Variants in DHTKD1 observed in about 807,000 individuals in gnomAD.
DHTKD1 encodes the protein 2-oxoadipate dehydrogenase complex component E1.
A neutral mutation model predicts 101.8 loss-of-function variants in DHTKD1; 78 were observed. The observed-to-expected ratio is 0.77, with a 90% confidence interval of 0.64 to 0.93. The LOEUF (loss-of-function observed/expected upper bound fraction) is 0.93, where lower values mean the gene tolerates loss of function less well. DHTKD1 is among the 40% of genes least tolerant of loss of function. The probability of loss-of-function intolerance (pLI) is 0.00; values close to 1 mark genes in which losing one functional copy is unlikely to be tolerated. For synonymous variants in DHTKD1, 462 were observed against 450.3 expected (o/e 1.03, Z -0.33); for missense variants, 1,223 against 1,161.7 (o/e 1.05, Z -0.77).
chr10:12,086,946 C>T (rs1296427833), intron 3 of DHTKD1, among the ~76,000 whole-genome samples: 2 of 152,138 alleles, frequency 1.3e-5, no homozygotes, highest in African/African-American at 2.4e-5. Flanking sequence ...CTTGGCCTCC[C>T]GAAGTGCTGG....
rs1588607539 is a variant in DHTKD1, at chr10:12,087,662, T to A, written c.650T>A (p.Val217Asp). 1.9e-6 allele frequency: 3 copies of A among 1,613,780 alleles called. No individual in the cohort carries two copies. The East Asian group carries it at 6.7e-5, about 36-fold the overall frequency. ...TCGGCCTACAGCGGGATCACTGATG[T>A]CATTATTGGGATGCCCCATAGAGGG... Reference protein sequence around the residue: ...KMSAYSGITDVIIGMPHRGRL... With the variant: ...KMSAYSGITDDIIGMPHRGRL... The change falls in exon 4 of 17, where the codon GTC becomes GAC. Residue 217 changes from valine (V) to aspartate (D), a missense_variant. Transcript: ENST00000263035. This position sits in a 1 kb window ranked among gnomAD's most constrained non-coding sequence, Gnocchi z 5.2.
chr10:12,119,042 C>T (rs1833471365), intron 15 of DHTKD1, 124 bp downstream of exon 15: 2 of 912,870 alleles, frequency 2.2e-6, no homozygotes, highest in African/African-American at 1.7e-5. Flanking sequence ...CGCGGTGGCT[C>T]ACACCTGTAA....
chr10:12,071,714 G>A (rs1327212342), intron 1 of DHTKD1, among the ~76,000 whole-genome samples: 2 of 152,164 alleles, frequency 1.3e-5, no homozygotes, highest in East Asian at 3.9e-4. Context: ...GATCACTTGA[G>A]ACAGGGTCTT....
Position 12,118,845 on chromosome 10 carries a change from C to T in DHTKD1, c.2499C>T (p.Ile833=). The change falls in exon 15 of 17, where the codon ATC becomes ATT. Residue 833 remains isoleucine, a synonymous_variant. Coordinates refer to ENST00000263035, the MANE Select transcript of DHTKD1 (RefSeq NM_018706.7). ...CCAAGAAGCATGACTTTGCCATCAT[C>T]CGAGTAGAGGAACTCTGCCCCTTCC... is the stretch of plus-strand genomic sequence containing the variant. ...LGAKKHDFAI[I]RVEELCPFPL... 3.7e-6 allele frequency: 6 copies of T among 1,609,012 alleles called. No homozygotes were observed. Among genetic ancestry groups the T allele is most frequent in the Non-Finnish European group, 4.2e-6 (5 of 1,178,040 alleles).
chr10:12,069,518 C>CTTTTTTTTTTTTTT (rs10691718), intron 1 of DHTKD1, among the ~76,000 whole-genome samples: 4 of 81,552 alleles, frequency 4.9e-5, no homozygotes, highest in Non-Finnish European at 6.5e-5. Flanking sequence ...TTTTTGTTTC[C>CTTTTTTTTTTTTTT]TTTTTTTTTT....
At chr10:12,118,263 A>C (rs1833451006) in intron 14 of DHTKD1, among the ~76,000 whole-genome samples, 1 of 151,952 alleles carries the variant, frequency 6.6e-6, no homozygotes, top group African/African-American at 2.4e-5. Context: ...TTGTAGGCGC[A>C]TGTTGCTGAA....
At chr10:12,075,081 G>C (rs1017024422) in intron 1 of DHTKD1, among the ~76,000 whole-genome samples, 1 of 152,082 alleles carries the variant, frequency 6.6e-6, no homozygotes, top group Non-Finnish European at 1.5e-5. Context: ...ACTGTACTCC[G>C]GCCTGTGTGA....
intron 10 of DHTKD1, among the ~76,000 whole-genome samples, chr10:12,102,422 C>CAAAA (rs752816882): frequency 3.1e-5 from 2 of 64,816 alleles, no homozygotes; most frequent in African/African-American, 1.2e-4. Context: ...GACTCTGTCT[C>CAAAA]AAAAAAAAAA....
At chr10:12,072,711 T>A (rs577060001) in intron 1 of DHTKD1, among the ~76,000 whole-genome samples, 4 of 151,960 alleles carry the variant, frequency 2.6e-5, no homozygotes, top group Admixed American at 2.0e-4. Context: ...GAGGTGGGTT[T>A]AGGAGTAGTG....
At chr10:12,079,177 A>G (rs1832777644) in intron 1 of DHTKD1, among the ~76,000 whole-genome samples, 1 of 152,018 alleles carries the variant, frequency 6.6e-6, no homozygotes, top group Admixed American at 6.6e-5. Flanking sequence ...GCAGCCTCGA[A>G]CTCCTGGGTT....
chr10:12,091,304 AG>A lies in DHTKD1; in HGVS notation c.988-206del, dbSNP rs1246577214. On this transcript the variant is annotated intron_variant, in intron 5 of 16. Coordinates refer to ENST00000263035, the MANE Select transcript of DHTKD1 (RefSeq NM_018706.7). ...GTGCATGCCTATAATCCCAGCTACT[AG>A]GGAAGCTGAGGCAGGAGAATCACTT... is the stretch of plus-strand genomic sequence containing the variant. Among the ~76,000 whole-genome samples the A allele has an allele frequency of 8.9e-5, 13 of 146,872 alleles. 1 individual carries two copies. The highest frequency in any genetic ancestry group is 4.2e-4 in the Admixed American group (6 of 14,278).
chr10:12,088,998 A>C lies in DHTKD1; in HGVS notation c.730A>C (p.Lys244Gln). The C allele has an allele frequency of 6.2e-7, 1 of 1,613,632 alleles. No individual in the cohort carries two copies. Among genetic ancestry groups the C allele is most frequent in the Non-Finnish European group, 8.5e-7 (1 of 1,179,586 alleles). ...LQFPPELMFRKMRGLSEFPEN... is the reference protein window; with the variant it reads ...LQFPPELMFRQMRGLSEFPEN... Reference sequence around the variant, plus strand: ...GTATCCACAATAGCTGATGTTCCGTAAAATGCGAGGCTTAAGTGAATTTCC... The same window carrying C: ...GTATCCACAATAGCTGATGTTCCGTCAAATGCGAGGCTTAAGTGAATTTCC... The change falls in exon 5 of 17, where the codon AAA becomes CAA. Residue 244 changes from lysine (K) to glutamine (Q), a missense_variant. Lys to Gln is a moderately conservative substitution (Grantham distance 53). Transcript: ENST00000263035.
Position 12,094,163 on chromosome 10 carries a change from G to A in DHTKD1, c.1250G>A (p.Arg417His), listed in dbSNP as rs1489239885. The A allele has an allele frequency of 4.3e-6, 7 of 1,614,086 alleles. No individual in the cohort carries two copies. Among genetic ancestry groups the A allele is most frequent in the South Asian group, 1.1e-5 (1 of 91,080 alleles). ...RATRLAFEYQ[R>H]QFRKDVIIDL... The stretch of plus-strand genomic sequence containing the variant: ...ACACGACTGGCTTTTGAATACCAAC[G>A]CCAGTTCCGCAAGGATGTGATTATT... Residue 417 changes from arginine (R) to histidine (H), a missense_variant, in exon 7 of 17, where the codon CGC becomes CAC. Physicochemically the swap from Arg to His is conservative, Grantham distance 29. Transcript: ENST00000263035.
intron 12 of DHTKD1, among the ~76,000 whole-genome samples, chr10:12,111,451 C>T (rs1833328707): frequency 6.6e-6 from 1 of 152,204 alleles, no homozygotes; most frequent in Non-Finnish European, 1.5e-5. Flanking sequence ...CAGGCATGGG[C>T]CACCGCGCCA....
At position 12,069,088 on chromosome 10, in the gene DHTKD1, C is replaced by G. The variant is rs746341469; in HGVS notation, c.55C>G (p.Leu19Val). ...ARRGLGRALP[L>V]FWRGYQTERG... is the part of the protein sequence containing the mutation. The stretch of plus-strand genomic sequence containing the variant: ...ACGGGGCCTCGGCCGGGCTCTCCCT[C>G]TCTTCTGGCGTGGCTACCAGACCGA... Residue 19 changes from leucine (L) to valine (V), a missense_variant, in exon 1 of 17, where the codon CTC becomes GTC. Physicochemically the swap from Leu to Val is conservative, Grantham distance 32 (BLOSUM62 1). Coordinates refer to ENST00000263035, the MANE Select transcript of DHTKD1 (RefSeq NM_018706.7). The G allele has an allele frequency of 1.2e-6, 2 of 1,612,788 alleles. No homozygotes were observed. The highest frequency in any genetic ancestry group is 4.5e-5 in the East Asian group (2 of 44,836).
At chr10:12,085,876 A>G (rs1351286025) in intron 3 of DHTKD1, among the ~76,000 whole-genome samples, 2 of 152,068 alleles carry the variant, frequency 1.3e-5, no homozygotes, top group Admixed American at 1.3e-4. Context: ...GCACCACTGT[A>G]CTCCAGTCTG....
At chr10:12,113,736 G>A (rs910713087) in intron 13 of DHTKD1, among the ~76,000 whole-genome samples, 1 of 152,022 alleles carries the variant, frequency 6.6e-6, no homozygotes, top group African/African-American at 2.4e-5. Flanking sequence ...GAGCAACCTG[G>A]GCAACATTGC....
At chr10:12,106,603 T>C (rs1324978064) in intron 11 of DHTKD1, among the ~76,000 whole-genome samples, 1 of 152,114 alleles carries the variant, frequency 6.6e-6, no homozygotes, top group Non-Finnish European at 1.5e-5. Context: ...AAGCTCTCTC[T>C]CAGCAGGAGC....
rs552132988 is a variant in DHTKD1 at position 12,118,742 on chromosome 10, C to G, written c.2403-7C>G. The G allele has an allele frequency of 3.8e-5, 58 of 1,508,982 alleles. No homozygotes were observed. The highest frequency in any genetic ancestry group is 5.1e-5 in the Non-Finnish European group (57 of 1,127,498). 93.5% of individuals were successfully genotyped at this position (1,508,982 alleles called of 1,614,324 possible). On this transcript the variant is annotated splice_region_variant and splice_polypyrimidine_tract_variant and intron_variant, in intron 14 of 16. Coordinates refer to ENST00000263035, the MANE Select transcript of DHTKD1 (RefSeq NM_018706.7). ...CCCCACCCTATTGTTCCTTTTCTGT[C>G]CAACAGGGTTAAGACCCTCGTGTTC... is the stretch of plus-strand genomic sequence containing the variant.
Sources: gnomAD v4.1 joint callset for allele counts (sites outside exome capture counted in the v4.1 genomes callset) on GRCh38, gnomAD v4.1.1 for gene constraint, Gnocchi (gnomAD v3.1) non-coding constraint, MANE v1.5 for transcripts, NCBI Gene and HGNC (gene_info 2026-07-23, HGNC 2026-07-21) for gene names.